Variants in PLCH1 observed in about 807,000 individuals in gnomAD.
The protein encoded by PLCH1 is phospholipase C eta 1.
PLCH1 carries 60 observed loss-of-function variants against 126.7 expected under a neutral mutation model. The observed-to-expected ratio is 0.47, with a 90% CI of 0.38 to 0.59. The LOEUF is 0.59. Ranked by LOEUF, PLCH1 falls within the 20% of genes least tolerant of loss-of-function variation. PLCH1 has a pLI of 0.00. For missense variants in PLCH1, 1,723 were observed against 2,040.0 expected (o/e 0.84, Z 2.99); for synonymous variants, 719 against 734.9 (o/e 0.98, Z 0.35).
At chr3:155,663,222 A>G (rs914697821) in intron 2 of PLCH1, among the ~76,000 whole-genome samples, 1 of 152,174 alleles carries the variant, frequency 6.6e-6, no homozygotes, top group African/African-American at 2.4e-5. Context: ...GGCTAAGTTC[A>G]TATCTTGTGT....
In PLCH1 at chr3:155,523,199, A is replaced by G. The variant is rs1304397767; in HGVS notation, c.1470+698T>C. Among the ~76,000 whole-genome samples, 16 of 152,022 alleles carry G rather than the reference A, an allele frequency of 1.1e-4. 1 individual carries two copies. The highest frequency in any genetic ancestry group is 3.9e-4 in the African/African-American group (16 of 41,470). On this transcript the variant is annotated intron_variant, in intron 11 of 22. Transcript: ENST00000460012. ...CACCATGTTAGCCAGGATGGTCTCG[A>G]TCTCCTGACCTCGTGATCTGCCCGC...
At chr3:155,551,684 C>CA (rs35872401) in intron 9 of PLCH1, among the ~76,000 whole-genome samples, 4,603 of 86,856 alleles carry the variant, frequency 0.053, 106 homozygotes, top group Middle Eastern at 0.11. Context: ...AGCTCTCTAC[C>CA]AAAAAAAAAA....
rs546948885 is a variant in PLCH1, at chr3:155,692,445, AGAAT to A, written c.79+11697_79+11700del. On this transcript the variant is annotated intron_variant, in intron 2 of 22. Transcript: ENST00000460012. Reference sequence around the variant, plus strand: ...TGAAGATAGATAAATATACAGATAAAGAATGAATGAATGAATGGATGGATGGATG... The same window carrying A: ...TGAAGATAGATAAATATACAGATAAAGAATGAATGAATGGATGGATGGATG... Among the ~76,000 whole-genome samples the A allele has an allele frequency of 2.7e-4, 40 of 146,864 alleles. No homozygotes were observed. In the East Asian group the frequency reaches 4.1e-3, roughly 15 times the overall value.
chr3:155,473,245 A>C (rs1383033680), intron 21 of PLCH1, among the ~76,000 whole-genome samples: 1 of 151,138 alleles, frequency 6.6e-6, no homozygotes, highest in Non-Finnish European at 1.5e-5. Flanking sequence ...AGGATACAAA[A>C]TCAATGTACA....
intron 4 of PLCH1, 48 bp from the exon 5 acceptor site, chr3:155,586,242 A>G (rs762196979): frequency 1.0e-5 from 16 of 1,597,486 alleles, no homozygotes; most frequent in Non-Finnish European, 1.4e-5. Flanking sequence ...AAAATTAAAA[A>G]CTGCTCTCTC....
intron 6 of PLCH1, among the ~76,000 whole-genome samples, chr3:155,576,192 G>A (rs1729922577): frequency 6.6e-6 from 1 of 152,102 alleles, no homozygotes; most frequent in Admixed American, 6.6e-5. Context: ...GTAGGTGGTT[G>A]TTTGGCAAAT....
At chr3:155,693,727 C>T (rs949784808) in intron 2 of PLCH1, among the ~76,000 whole-genome samples, 3 of 152,042 alleles carry the variant, frequency 2.0e-5, no homozygotes, top group East Asian at 1.9e-4. Flanking sequence ...GTCATGAGTT[C>T]GAGACCAGCC....
rs754769597 is a variant in PLCH1, at chr3:155,482,074, C to T, written c.3952G>A (p.Glu1318Lys). The T allele has an allele frequency of 4.3e-6, 7 of 1,614,046 alleles. No homozygotes were observed. In the African/African-American group the frequency reaches 9.3e-5, roughly 22 times the overall value. ...GCAGGGCTGCAGCTCTTCAGTGTTT[C>T]CCAGTCTTCTCCCTTGGTAGGACTT... Reference protein sequence around the residue: ...PKSPTKGEDWETLKSCSPASS... With the variant: ...PKSPTKGEDWKTLKSCSPASS... The change falls in exon 23 of 23, where the codon GAA (glutamate) becomes AAA (lysine). Residue 1318 changes from glutamate to lysine, a missense_variant. Physicochemically the swap from Glu to Lys is moderately conservative, Grantham distance 56. Transcript: ENST00000460012.
intron 6 of PLCH1, among the ~76,000 whole-genome samples, chr3:155,579,313 G>T (rs1210700127): frequency 7.2e-5 from 11 of 152,150 alleles, no homozygotes; most frequent in Admixed American, 7.2e-4. Flanking sequence ...ATCTCACATT[G>T]CTCCTTGGAA....
At chr3:155,685,125 T>G (rs1206109776) in intron 2 of PLCH1, among the ~76,000 whole-genome samples, 1 of 151,978 alleles carries the variant, frequency 6.6e-6, no homozygotes, top group African/African-American at 2.4e-5. Context: ...AGATCCAAAC[T>G]CAGATTCTGG....
At chr3:155,620,801 A>G (rs1462031389) in intron 2 of PLCH1, among the ~76,000 whole-genome samples, 2 of 152,104 alleles carry the variant, frequency 1.3e-5, no homozygotes, top group East Asian at 3.9e-4. Flanking sequence ...CCTGGGACAG[A>G]GCACCTGGGG....
At chr3:155,558,053 T>C (rs1459337265) in intron 8 of PLCH1, among the ~76,000 whole-genome samples, 1 of 152,184 alleles carries the variant, frequency 6.6e-6, no homozygotes, top group Non-Finnish European at 1.5e-5. Flanking sequence ...CAAAAAGACT[T>C]ATTGCTCTTC....
At chr3:155,483,697 T>A (rs923564426) in intron 22 of PLCH1, among the ~76,000 whole-genome samples, 1 of 152,204 alleles carries the variant, frequency 6.6e-6, no homozygotes, top group African/African-American at 2.4e-5. Context: ...TTGTTAATCA[T>A]ATATTTCTTT....
At chr3:155,728,841 A>C (rs893633000) in intron 1 of PLCH1, among the ~76,000 whole-genome samples, 1 of 152,248 alleles carries the variant, frequency 6.6e-6, no homozygotes, top group African/African-American at 2.4e-5. Flanking sequence ...AAAGGAATGA[A>C]TATTTGGTAA....
chr3:155,600,186 A>G (rs1176915239), intron 2 of PLCH1, among the ~76,000 whole-genome samples: 1 of 152,212 alleles, frequency 6.6e-6, no homozygotes, highest in Non-Finnish European at 1.5e-5. Context: ...ACCAGAGATA[A>G]CTGGTTAGCA....
chr3:155,492,710 G>A lies in PLCH1; in HGVS notation c.2307+19C>T, dbSNP rs777117922. 7 of 1,542,840 alleles carry A rather than the reference G, an allele frequency of 4.5e-6. No individual in the cohort carries two copies. The highest frequency in any genetic ancestry group is 3.8e-5 in the South Asian group (3 of 78,830). ...ATCACATAATTAACCACTTAGACACGTAGTCATAGGCAACTTACCTCGCCT... is the reference window on the plus strand; with the variant it reads ...ATCACATAATTAACCACTTAGACACATAGTCATAGGCAACTTACCTCGCCT... On this transcript the variant is annotated intron_variant, in intron 18 of 22. Transcript: ENST00000460012.
intron 2 of PLCH1, among the ~76,000 whole-genome samples, chr3:155,637,380 T>A (rs1008420469): frequency 4.6e-5 from 7 of 152,206 alleles, no homozygotes; most frequent in Non-Finnish European, 2.9e-5. Context: ...CTATATGACT[T>A]TGGCCAGGCC....
At chr3:155,676,992 C>A (rs996517064) in intron 2 of PLCH1, among the ~76,000 whole-genome samples, 5 of 152,188 alleles carry the variant, frequency 3.3e-5, no homozygotes, top group African/African-American at 1.2e-4. Context: ...TATTCAACTT[C>A]TTTGAAGAGA....
downstream of PLCH1, among the ~76,000 whole-genome samples, chr3:155,478,408 G>T (rs946366954): frequency 6.6e-6 from 1 of 152,040 alleles, no homozygotes; most frequent in African/African-American, 2.4e-5. Context: ...TGGATTGTTC[G>T]TAAGTCAATG....
Sources: allele counts gnomAD v4.1 joint callset (sites outside exome capture counted in the v4.1 genomes callset), GRCh38; gene constraint gnomAD v4.1.1; transcripts MANE v1.5; gene names NCBI Gene and HGNC (gene_info 2026-07-23, HGNC 2026-07-21).